ATP13A4: variants seen among roughly 807,000 people sequenced by gnomAD.
ATP13A4 encodes the protein ATPase 13A4, also known as probable cation-transporting ATPase 13A4.
ATP13A4 carries 114 observed loss-of-function variants against 142.5 expected under a neutral mutation model. That is an observed-to-expected ratio of 0.80 (90% CI 0.69 to 0.93). ATP13A4 has a LOEUF of 0.93. Among genes scored for constraint, ATP13A4 ranks in the 40% least tolerant of loss-of-function variants. The pLI is 0.00. For missense variants in ATP13A4, 1,392 were observed against 1,454.0 expected (o/e 0.96, Z 0.69); for synonymous variants, 488 against 514.8 (o/e 0.95, Z 0.70).
At chr3:193,505,115 A>G (rs1008423807) in intron 2 of ATP13A4, among the ~76,000 whole-genome samples, 1 of 152,282 alleles carries the variant, frequency 6.6e-6, no homozygotes, top group Admixed American at 6.5e-5. Context: ...TCCATTCCAA[A>G]TCTTGGTCCC....
At chr3:193,455,997 C>T (rs1313054297) in intron 16 of ATP13A4, among the ~76,000 whole-genome samples, 1 of 152,048 alleles carries the variant, frequency 6.6e-6, no homozygotes, top group Non-Finnish European at 1.5e-5. Flanking sequence ...TAGGGGGGAA[C>T]AACACATACT....
intron 3 of ATP13A4, 42 bp from the exon 4 acceptor site, chr3:193,493,202 C>T (rs767744874): frequency 4.7e-5 from 74 of 1,567,634 alleles, no homozygotes; most frequent in Admixed American, 2.8e-4. Flanking sequence ...GTTTGAGGAT[C>T]AGAGAATAAA....
intron 1 of ATP13A4, among the ~76,000 whole-genome samples, chr3:193,526,604 A>T (rs1722019233): frequency 6.6e-6 from 1 of 152,354 alleles, no homozygotes; most frequent in East Asian, 1.9e-4. Flanking sequence ...CATGTATCCC[A>T]GAACTTAAAG....
At chr3:193,547,454 T>C (rs1217522266) in intron 1 of ATP13A4, among the ~76,000 whole-genome samples, 1 of 152,232 alleles carries the variant, frequency 6.6e-6, no homozygotes, top group Admixed American at 6.5e-5. Context: ...ATTTTGTGTG[T>C]ATTCCCCCAC....
chr3:193,570,134 TAAAACAAAAC>T (rs1384945968), intron 2 of ATP13A4, among the ~76,000 whole-genome samples: 3 of 151,888 alleles, frequency 2.0e-5, no homozygotes, highest in Middle Eastern at 3.2e-3. Context: ...ACCTTCTATC[TAAAACAAAAC>T]AAAACAAAAA....
At chr3:193,436,853 C>T (rs1295609829) in intron 23 of ATP13A4, among the ~76,000 whole-genome samples, 1 of 149,888 alleles carries the variant, frequency 6.7e-6, no homozygotes, top group East Asian at 2.0e-4. Context: ...GCCTGTAATC[C>T]CAGCACTTTG....
intron 8 of ATP13A4, among the ~76,000 whole-genome samples, chr3:193,483,224 G>A (rs1415649351): frequency 1.3e-5 from 2 of 152,104 alleles, no homozygotes. Flanking sequence ...AATCTACAGT[G>A]ACAGAAAGCT....
chr3:193,544,482 C>A (rs1245388766), intron 1 of ATP13A4, among the ~76,000 whole-genome samples: 2 of 152,072 alleles, frequency 1.3e-5, no homozygotes, highest in South Asian at 2.1e-4. Flanking sequence ...AACAGATAAC[C>A]CTGTCTACCT....
At chr3:193,538,899 T>C (rs1722731886) in intron 1 of ATP13A4, among the ~76,000 whole-genome samples, 1 of 148,452 alleles carries the variant, frequency 6.7e-6, no homozygotes, top group East Asian at 2.0e-4. Context: ...TTTCTTTTTT[T>C]TTTTTTTTTT....
At chr3:193,573,308 C>CATATATATATATATATATACAT (rs1553862286) in intron 2 of ATP13A4, among the ~76,000 whole-genome samples, 1 of 103,674 alleles carries the variant, frequency 9.6e-6, no homozygotes, top group African/African-American at 4.7e-5. Flanking sequence ...TATATATATA[C>CATATATATATATATATATACAT]ATATATATAT....
intron 2 of ATP13A4, among the ~76,000 whole-genome samples, chr3:193,581,334 C>T (rs1235742039): frequency 1.3e-5 from 2 of 151,994 alleles, no homozygotes; most frequent in East Asian, 1.9e-4. Context: ...AGACAATCAA[C>T]GAAAAACAAA....
intron 2 of ATP13A4, among the ~76,000 whole-genome samples, chr3:193,576,602 AG>A (rs1341620923): frequency 6.6e-6 from 1 of 152,164 alleles, no homozygotes; most frequent in Non-Finnish European, 1.5e-5. Flanking sequence ...TATTGGGAAG[AG>A]GGTGATTCTA....
chr3:193,481,399 A>G (rs1434742816), intron 8 of ATP13A4, among the ~76,000 whole-genome samples: 1 of 152,230 alleles, frequency 6.6e-6, no homozygotes, highest in Non-Finnish European at 1.5e-5. Flanking sequence ...GATACCAAAA[A>G]GGGTTATAAT....
At chr3:193,407,976 C>A (rs1714586793) in intron 28 of ATP13A4, among the ~76,000 whole-genome samples, 1 of 152,370 alleles carries the variant, frequency 6.6e-6, no homozygotes, top group Admixed American at 6.5e-5. Context: ...GCCAAAGGAG[C>A]AAATGGAGCT....
intron 1 of ATP13A4, among the ~76,000 whole-genome samples, chr3:193,542,408 T>C (rs1482349637): frequency 6.6e-6 from 1 of 152,082 alleles, no homozygotes; most frequent in East Asian, 1.9e-4. Context: ...CAAAGTAATT[T>C]ATAGATTCAA....
chr3:193,454,933 G>T (rs1042296794), intron 16 of ATP13A4, among the ~76,000 whole-genome samples: 1 of 152,154 alleles, frequency 6.6e-6, no homozygotes, highest in African/African-American at 2.4e-5. Context: ...ACAGCCTACA[G>T]AACAGGGGAA....
At chr3:193,442,723 T>G (rs912631025) in intron 18 of ATP13A4, among the ~76,000 whole-genome samples, 167 bp from the exon 19 acceptor site, 8 of 152,210 alleles carry the variant, frequency 5.3e-5, no homozygotes, top group African/African-American at 1.2e-4. Context: ...TGATCCCTTT[T>G]CTGGTTCTTA....
intron 19 of ATP13A4, 42 bp from the exon 20 acceptor site, chr3:193,441,630 C>A: frequency 6.2e-7 from 1 of 1,603,208 alleles, no homozygotes. Flanking sequence ...TTTCATTTGA[C>A]AGAGTGGTTA....
At chr3:193,458,734 T>C in intron 14 of ATP13A4, 1 of 482,878 alleles carries the variant, frequency 2.1e-6, no homozygotes, top group East Asian at 3.5e-5. Context: ...CTGGAAAATC[T>C]TCGAAACCAG....
Sources: gnomAD v4.1 joint callset for allele counts (sites outside exome capture counted in the v4.1 genomes callset) on GRCh38, gnomAD v4.1.1 for gene constraint, MANE v1.5 for transcripts, NCBI Gene and HGNC (gene_info 2026-07-23, HGNC 2026-07-21) for gene names.